ZNF658: variants seen among roughly 807,000 people sequenced by gnomAD.
ZNF658 encodes zinc finger protein 658.
Under a neutral mutation model 78.0 loss-of-function variants are expected in ZNF658, and 46 were observed. The ratio of observed to expected loss-of-function variants is 0.59; its 90% confidence interval spans 0.47 to 0.75. The LOEUF (loss-of-function observed/expected upper bound fraction) is 0.75. ZNF658 is among the 30% of genes least tolerant of loss of function. The probability of loss-of-function intolerance (pLI) is 0.00; values close to 1 mark genes in which losing one functional copy is unlikely to be tolerated. For missense variants in ZNF658, 785 were observed against 1,189.3 expected (o/e 0.66, Z 5.00); for synonymous variants, 279 against 408.4 (o/e 0.68, Z 3.82).
intron 6 of ZNF658, among the ~76,000 whole-genome samples, chr9:66,926,508 C>T (rs1307622970): frequency 3.4e-5 from 5 of 149,064 alleles, no homozygotes; most frequent in African/African-American, 1.2e-4. Context: ...TAGGAATAAA[C>T]TTAGCCAAGG....
At chr9:66,910,921 G>A (rs1280695432) in intron 4 of ZNF658, among the ~76,000 whole-genome samples, 4 of 151,534 alleles carry the variant, frequency 2.6e-5, no homozygotes, top group African/African-American at 7.3e-5. Flanking sequence ...AGTAGGAAAA[G>A]CTCTCATTCA....
chr9:66,930,665 A>G (rs550280854), intron 6 of ZNF658, among the ~76,000 whole-genome samples: 1 of 152,194 alleles, frequency 6.6e-6, no homozygotes, highest in Non-Finnish European at 1.5e-5. Flanking sequence ...CAACAGAGCA[A>G]GACTCCGTCT....
At chr9:66,905,753 T>C (rs1323068951) in intron 2 of ZNF658, among the ~76,000 whole-genome samples, 1 of 148,204 alleles carries the variant, frequency 6.7e-6, no homozygotes, top group Non-Finnish European at 1.5e-5. Context: ...TTTATTTATA[T>C]CCTTTATCTG....
chr9:66,905,068 CTTTTTT>C (rs1165611922), intron 2 of ZNF658, among the ~76,000 whole-genome samples: 22 of 31,760 alleles, frequency 6.9e-4, no homozygotes, highest in South Asian at 2.8e-3. Flanking sequence ...TTTTTCTTTT[CTTTTTT>C]TTTTTTTTTT....
chr9:66,907,287 A>T (rs2117971896), intron 2 of ZNF658, among the ~76,000 whole-genome samples: 1 of 152,262 alleles, frequency 6.6e-6, no homozygotes, highest in South Asian at 2.1e-4. Context: ...TTGAACGAAC[A>T]GTTCTAGCTA....
Position 66,920,031 on chromosome 9 carries a change from G to A in ZNF658, c.2465G>A (p.Gly822Glu), listed in dbSNP as rs1564176411. 8.1e-6 allele frequency: 13 copies of A among 1,612,816 alleles called. No individual in the cohort carries two copies. Among genetic ancestry groups the A allele is most frequent in the African/African-American group, 1.3e-5 (1 of 74,830 alleles). Residue 822 changes from glycine (G) to glutamate (E), a missense_variant, in exon 5 of 5, where the codon GGG becomes GAG. Coordinates refer to ENST00000621410, the MANE Select transcript of ZNF658 (RefSeq NM_033160.7). ...ATAGTGCATCAAAGAATTCACACAG[G>A]GGAGAAACCCTATGAATGTAACCAA... ...ALIVHQRIHT[G>E]EKPYECNQCG...
chr9:66,918,603 C>T lies in ZNF658; in HGVS notation c.1037C>T (p.Thr346Ile). The T allele has an allele frequency of 6.2e-7, 1 of 1,610,332 alleles. No homozygotes were observed. Among genetic ancestry groups the T allele is most frequent in the South Asian group, 1.1e-5 (1 of 90,928 alleles). The change falls in exon 5 of 5, where the codon ACA becomes ATA. Residue 346 changes from threonine (T) to isoleucine (I), a missense_variant. Transcript: ENST00000621410. ...TCAGCCCATATAGTACATCAGAAAA[C>T]ACAAGCTGGAGATAAATTTGGTGAA... ...QSSAHIVHQK[T>I]QAGDKFGEHN...
At chr9:66,916,366 T>A (rs1221201693) in intron 4 of ZNF658, among the ~76,000 whole-genome samples, 1 of 151,910 alleles carries the variant, frequency 6.6e-6, no homozygotes, top group Non-Finnish European at 1.5e-5. Flanking sequence ...CCAGATAAAT[T>A]TGTGTTTACT....
chr9:66,916,168 G>A lies in ZNF658; in HGVS notation c.239-1637G>A, dbSNP rs576663115. Reference sequence around the variant, plus strand: ...CTCTCAAAGTGATGGGATTACAGGCGTGAGCCACCGCGTCTGGCCAAAAAA... The same window carrying A: ...CTCTCAAAGTGATGGGATTACAGGCATGAGCCACCGCGTCTGGCCAAAAAA... On this transcript the variant is annotated intron_variant, in intron 4 of 4. Coordinates refer to ENST00000621410, the MANE Select transcript of ZNF658 (RefSeq NM_033160.7). Among the ~76,000 whole-genome samples, 206 of 152,164 alleles carry A rather than the reference G, an allele frequency of 1.4e-3. 1 individual carries two copies. The highest frequency in any genetic ancestry group is 1.2e-3 in the South Asian group (6 of 4,806).
chr9:66,925,535 C>T (rs1288083645), downstream of ZNF658, among the ~76,000 whole-genome samples: 1 of 151,828 alleles, frequency 6.6e-6, no homozygotes, highest in Non-Finnish European at 1.5e-5. Flanking sequence ...AAGAGTGCAT[C>T]ATGAAAGAAA....
rs781123348 is a variant in ZNF658 at position 66,908,683 on chromosome 9, G to C, written c.187G>C (p.Gly63Arg). Residue 63 changes from glycine (G) to arginine (R), a missense_variant, in exon 4 of 5, where the codon GGA becomes CGA. By Grantham distance (125) the Gly-to-Arg change is moderately radical. Transcript: ENST00000621410. ...TAAGGTGATCTCCAAGTTGGAGAAA[G>C]GAGAAGAGCCATGGTCTTTAGAAGA... ...KPKVISKLEKGEEPWSLEDEF... is the reference protein window; with the variant it reads ...KPKVISKLEKREEPWSLEDEF... The C allele has an allele frequency of 8.9e-6, 14 of 1,575,838 alleles. 1 individual carries two copies. Among genetic ancestry groups the C allele is most frequent in the Middle Eastern group, 3.4e-4 (2 of 5,948 alleles).
exon 7 of ZNF658, chr9:66,932,122 A>G (rs1388528869): frequency 4.7e-5 from 4 of 85,230 alleles, no homozygotes; most frequent in African/African-American, 1.8e-4. Context: ...TCCATCTGCC[A>G]TAAATGTCTA....
intron 6 of ZNF658, among the ~76,000 whole-genome samples, chr9:66,927,441 G>T (rs1013819638): frequency 2.0e-5 from 3 of 152,070 alleles, no homozygotes; most frequent in Non-Finnish European, 2.9e-5. Flanking sequence ...AAAAAAGAAT[G>T]AACGTTCTTC....
chr9:66,918,814 A>G lies in ZNF658; in HGVS notation c.1248A>G (p.Glu416=). ...GAGAGAAAACTTACCAATATGAGGA[A>G]TGTGCAAAATCCTTTTGTTCAAGTT... is the stretch of plus-strand genomic sequence containing the variant. The part of the protein sequence containing the change: ...HSGEKTYQYE[E]CAKSFCSSSH... Residue 416 remains glutamate (E), a synonymous_variant, in exon 5 of 5, where the codon GAA becomes GAG. Transcript: ENST00000621410. 6.2e-7 allele frequency: 1 copy of G among 1,613,528 alleles called. No individual in the cohort carries two copies. Among genetic ancestry groups the G allele is most frequent in the South Asian group, 1.1e-5 (1 of 91,048 alleles).
intron 2 of ZNF658, among the ~76,000 whole-genome samples, chr9:66,905,957 A>AT (rs1167130176): frequency 2.7e-5 from 4 of 149,370 alleles, no homozygotes; most frequent in Admixed American, 1.3e-4. Flanking sequence ...CTTGTTTTGC[A>AT]TTTTTTGTTG....
rs760721745 is a variant in ZNF658 at position 66,920,073 on chromosome 9, C to T, written c.2507C>T (p.Ser836Phe). ...TGTAACCAATGTGGGAAAACTTTCT[C>T]CCAAAGAACACACCTCTGTGCACAT... is the stretch of plus-strand genomic sequence containing the variant. Reference protein sequence around the residue: ...YECNQCGKTFSQRTHLCAHQR... With the variant: ...YECNQCGKTFFQRTHLCAHQR... Residue 836 changes from serine (S) to phenylalanine (F), a missense_variant, in exon 5 of 5, where the codon TCC (serine) becomes TTC (phenylalanine). Around this residue, in one of 12 missense-constraint regions of ZNF658, gnomAD observed 58 missense variants for 63.0 expected, o/e 0.92. Transcript: ENST00000621410. The T allele has an allele frequency of 1.8e-5, 29 of 1,613,148 alleles. No individual in the cohort carries two copies. The East Asian group carries it at 5.1e-4, about 29-fold the overall frequency.
At chr9:66,904,973 T>C (rs1822038295) in intron 2 of ZNF658, among the ~76,000 whole-genome samples, 1 of 151,590 alleles carries the variant, frequency 6.6e-6, no homozygotes, top group Non-Finnish European at 1.5e-5. Context: ...CTTGTTTCTC[T>C]GTTACAGCTT....
At position 66,908,672 on chromosome 9, in the gene ZNF658, A is replaced by G; in HGVS notation, c.176A>G (p.Lys59Arg). The change falls in exon 4 of 5, where the codon AAG becomes AGG. Residue 59 changes from lysine to arginine, a missense_variant. Coordinates refer to ENST00000621410, the MANE Select transcript of ZNF658 (RefSeq NM_033160.7). Reference sequence around the variant, plus strand: ...ATTACTAAACCTAAGGTGATCTCCAAGTTGGAGAAAGGAGAAGAGCCATGG... The same window carrying G: ...ATTACTAAACCTAAGGTGATCTCCAGGTTGGAGAAAGGAGAAGAGCCATGG... ...YCITKPKVIS[K>R]LEKGEEPWSL... 1.3e-6 allele frequency: 2 copies of G among 1,578,858 alleles called. No homozygotes were observed.
intron 2 of ZNF658, 47 bp from the exon 3 acceptor site, chr9:66,908,191 C>A: frequency 6.2e-7 from 1 of 1,612,926 alleles, no homozygotes; most frequent in East Asian, 2.2e-5. Flanking sequence ...AATTCTGAAC[C>A]CTTGAACAAA....
Sources: gnomAD v4.1 joint callset for allele counts (sites outside exome capture counted in the v4.1 genomes callset) on GRCh38, gnomAD v4.1.1 for gene constraint, gnomAD v4.1.1 regional missense constraint, MANE v1.5 for transcripts, NCBI Gene and HGNC (gene_info 2026-07-23, HGNC 2026-07-21) for gene names.